The following EPHA6 variants were observed in gnomAD, a reference collection of about 807,000 sequenced individuals.
The protein encoded by EPHA6 is EPH receptor A6, also known as ephrin type-A receptor 6.
A neutral mutation model predicts 112.0 loss-of-function variants in EPHA6; 50 were observed. The ratio of observed to expected loss-of-function variants is 0.45; its 90% CI spans 0.36 to 0.56. The LOEUF (loss-of-function observed/expected upper bound fraction) is 0.56. EPHA6 is among the 20% of genes least tolerant of loss of function. The probability of loss-of-function intolerance (pLI) is 0.00; values close to 1 mark genes in which losing one functional copy is unlikely to be tolerated. For synonymous variants in EPHA6, 529 were observed against 490.7 expected (o/e 1.08, Z -1.03); for missense variants, 1,280 against 1,417.4 (o/e 0.90, Z 1.56).
intron 5 of EPHA6, among the ~76,000 whole-genome samples, chr3:97,298,713 A>G (rs535373893): frequency 1.9e-4 from 29 of 152,268 alleles, no homozygotes; most frequent in South Asian, 1.0e-3. Context: ...TTGTTTAGTA[A>G]TAAATGTAAC....
At chr3:97,052,005 C>T (rs2045699287) in intron 3 of EPHA6, among the ~76,000 whole-genome samples, 2 of 152,046 alleles carry the variant, frequency 1.3e-5, no homozygotes, top group Non-Finnish European at 2.9e-5. Context: ...ATTTCGTTAT[C>T]ATTATGTGCC....
At chr3:97,477,713 C>G (rs1176610325) in intron 8 of EPHA6, among the ~76,000 whole-genome samples, 1 of 151,978 alleles carries the variant, frequency 6.6e-6, no homozygotes. Flanking sequence ...CTGTATATTC[C>G]TTACCCTCTA....
chr3:96,884,849 T>A (rs1317985320), intron 2 of EPHA6, among the ~76,000 whole-genome samples: 1 of 152,192 alleles, frequency 6.6e-6, no homozygotes, highest in Non-Finnish European at 1.5e-5. Context: ...AGTATTATGT[T>A]GGCTGTGGGT....
At position 97,554,581 on chromosome 3, in the gene EPHA6, G is replaced by T. The variant is rs569500881; in HGVS notation, c.2386+22038G>T. Among the ~76,000 whole-genome samples the T allele has an allele frequency of 6.6e-5, 10 of 152,088 alleles. No homozygotes were observed. The East Asian group carries it at 1.9e-3, about 29-fold the overall frequency. On this transcript the variant is annotated intron_variant, in intron 11 of 17. Transcript: ENST00000389672. ...GGGTCCATAATCAGGGGGTGGCCAG[G>T]TTCCTTCTATGTCATTTTTCCACTC...
At chr3:97,171,970 A>G (rs1291855625) in intron 3 of EPHA6, among the ~76,000 whole-genome samples, 1 of 152,130 alleles carries the variant, frequency 6.6e-6, no homozygotes, top group Non-Finnish European at 1.5e-5. Flanking sequence ...AGTGCCTTCA[A>G]CTTTGCTCAA....
At chr3:97,619,162 A>T (rs2093791718) in intron 13 of EPHA6, among the ~76,000 whole-genome samples, 1 of 79,530 alleles carries the variant, frequency 1.3e-5, no homozygotes, top group Non-Finnish European at 2.0e-5. Flanking sequence ...TAAAAACAAA[A>T]ACCACATGAT....
At chr3:97,129,521 A>AC (rs1044854458) in intron 3 of EPHA6, among the ~76,000 whole-genome samples, 27 of 152,056 alleles carry the variant, frequency 1.8e-4, no homozygotes, top group African/African-American at 6.0e-4. Context: ...AAACAAACAA[A>AC]AAAAAAAACA....
At chr3:97,258,303 G>A (rs1451558027) in intron 5 of EPHA6, among the ~76,000 whole-genome samples, 3 of 150,524 alleles carry the variant, frequency 2.0e-5, no homozygotes, top group East Asian at 3.9e-4. Flanking sequence ...ACACACACAC[G>A]CACAGAGTAT....
intron 2 of EPHA6, among the ~76,000 whole-genome samples, chr3:96,940,426 C>T (rs2040869714): frequency 6.6e-6 from 1 of 152,074 alleles, no homozygotes; most frequent in Non-Finnish European, 1.5e-5. Context: ...GCAACCCCTG[C>T]CTTTTTTTGT....
At chr3:96,933,326 T>C (rs960930576) in intron 2 of EPHA6, among the ~76,000 whole-genome samples, 1 of 152,206 alleles carries the variant, frequency 6.6e-6, no homozygotes. Context: ...GTTACATTCC[T>C]CTGACTAACA....
chr3:97,185,865 A>G (rs1450314340), intron 3 of EPHA6, among the ~76,000 whole-genome samples: 1 of 152,110 alleles, frequency 6.6e-6, no homozygotes, highest in African/African-American at 2.4e-5. Context: ...CATATACACC[A>G]TGGAATACCA....
intron 3 of EPHA6, among the ~76,000 whole-genome samples, chr3:97,108,418 G>A (rs1467991203): frequency 1.3e-5 from 2 of 152,162 alleles, no homozygotes; most frequent in South Asian, 4.1e-4. Context: ...CACAGAATGA[G>A]CTGCAGCAAA....
chr3:97,533,052 C>T (rs193035224), intron 11 of EPHA6, among the ~76,000 whole-genome samples: 1 of 151,750 alleles, frequency 6.6e-6, no homozygotes, highest in Non-Finnish European at 1.5e-5. Context: ...AGTAAAAATT[C>T]TTCTTTCACA....
chr3:97,126,451 G>C (rs2048184760), intron 3 of EPHA6, among the ~76,000 whole-genome samples: 1 of 152,118 alleles, frequency 6.6e-6, no homozygotes. Context: ...ATTTATCCAA[G>C]ACTGCTTTAT....
chr3:97,410,718 A>T (rs1417635796), intron 6 of EPHA6, among the ~76,000 whole-genome samples: 1 of 152,092 alleles, frequency 6.6e-6, no homozygotes, highest in African/African-American at 2.4e-5. Context: ...AGTGGTGGTA[A>T]CATGAGATTT....
At chr3:97,567,061 C>A (rs2093276488) in intron 11 of EPHA6, among the ~76,000 whole-genome samples, 1 of 152,114 alleles carries the variant, frequency 6.6e-6, no homozygotes, top group African/African-American at 2.4e-5. Flanking sequence ...ACAGCAAAAG[C>A]AGATGTCTAG....
chr3:97,643,064 G>A (rs1301441520), intron 14 of EPHA6, among the ~76,000 whole-genome samples: 1 of 152,128 alleles, frequency 6.6e-6, no homozygotes, highest in African/African-American at 2.4e-5. Flanking sequence ...ACCCTCAAAG[G>A]GAAGCCCATC....
At chr3:96,829,949 G>GCGCGCGCGCGCGCGCGCACACACACA (rs373416797) in intron 1 of EPHA6, among the ~76,000 whole-genome samples, 3 of 136,034 alleles carry the variant, frequency 2.2e-5, no homozygotes, top group African/African-American at 8.9e-5. Context: ...GCGCGCGCGC[G>GCGCGCGCGCGCGCGCGCACACACACA]CACACACACA....
chr3:96,940,657 AT>A (rs2107685197), intron 2 of EPHA6, among the ~76,000 whole-genome samples: 1 of 152,190 alleles, frequency 6.6e-6, no homozygotes, highest in African/African-American at 2.4e-5. Context: ...TTAGCTGGTT[AT>A]TTTGTTCGTT....
Sources: allele counts gnomAD v4.1 joint callset (sites outside exome capture counted in the v4.1 genomes callset), GRCh38; gene constraint gnomAD v4.1.1; transcripts MANE v1.5; gene names NCBI Gene and HGNC (gene_info 2026-07-23, HGNC 2026-07-21).